DMXL2: variants seen among roughly 807,000 people sequenced by gnomAD.
DMXL2 encodes the protein Dmx like 2.
In DMXL2, 103 loss-of-function variants were observed where a neutral mutation model predicts 331.1. The observed-to-expected ratio is 0.31, with a 90% CI of 0.27 to 0.37. The LOEUF (loss-of-function observed/expected upper bound fraction) is 0.37. DMXL2 is among the 10% of genes least tolerant of loss of function. The probability of loss-of-function intolerance (pLI) is 1.00; values close to 1 mark genes in which losing one functional copy is unlikely to be tolerated. For missense variants in DMXL2, 3,171 were observed against 3,642.9 expected, an observed-to-expected ratio of 0.87 and a Z score of 3.33; for synonymous variants, 1,281 against 1,252.1, an observed-to-expected ratio of 1.02 and a Z score of -0.49.
intron 2 of DMXL2, among the ~76,000 whole-genome samples, chr15:51,571,653 G>A (rs1309696585): frequency 5.3e-5 from 8 of 152,186 alleles, no homozygotes; most frequent in Middle Eastern, 3.4e-3. Context: ...TCACAACTAC[G>A]TGCAAACTGA....
chr15:51,554,228 C>T (rs1422782430), intron 6 of DMXL2, among the ~76,000 whole-genome samples: 1 of 152,052 alleles, frequency 6.6e-6, no homozygotes, highest in Non-Finnish European at 1.5e-5. Flanking sequence ...CATAGGTTCA[C>T]CTATTATGGA....
At chr15:51,621,559 CT>C in intron 1 of DMXL2, among the ~76,000 whole-genome samples, 1 of 152,318 alleles carries the variant, frequency 6.6e-6, no homozygotes, top group Middle Eastern at 3.4e-3. Flanking sequence ...GGGAGTCTAT[CT>C]ATGAGTAAAC....
At chr15:51,594,374 G>C (rs1004804431) in intron 1 of DMXL2, among the ~76,000 whole-genome samples, 6 of 152,160 alleles carry the variant, frequency 3.9e-5, no homozygotes, top group Non-Finnish European at 5.9e-5. Flanking sequence ...GGAAGAAGTT[G>C]AATCTCTGAA....
At chr15:51,505,493 T>C (rs1163651090) in intron 16 of DMXL2, among the ~76,000 whole-genome samples, 2 of 152,250 alleles carry the variant, frequency 1.3e-5, no homozygotes, top group African/African-American at 2.4e-5. Flanking sequence ...CTCTAGAAAT[T>C]ACTACATTCT....
intron 6 of DMXL2, among the ~76,000 whole-genome samples, chr15:51,557,314 A>T (rs756040366): frequency 1.4e-4 from 22 of 152,322 alleles, no homozygotes; most frequent in Non-Finnish European, 2.6e-4. Context: ...ATATCTAGGA[A>T]TTAATCCCAA....
intron 2 of DMXL2, 22 bp from the exon 3 acceptor site, chr15:51,568,580 A>G: frequency 1.4e-6 from 2 of 1,460,302 alleles, no homozygotes. Flanking sequence ...TAAATACAGC[A>G]TTAATATCTA....
Position 51,611,169 on chromosome 15 carries a change from T to C in DMXL2, c.87+11290A>G, listed in dbSNP as rs117127067. On this transcript the variant is annotated intron_variant, in intron 1 of 43. Transcript: ENST00000560891. ...AAAATAAGTATATAACAGAGAGAAG[T>C]GGTAAAGCTAAAGTGGGTTCTTTAA... Among the ~76,000 whole-genome samples, 1,167 of 151,410 alleles carry C rather than the reference T, an allele frequency of 7.7e-3. 13 individuals carry two copies. Among genetic ancestry groups the C allele is most frequent in the Middle Eastern group, 0.021 (6 of 292 alleles).
intron 6 of DMXL2, among the ~76,000 whole-genome samples, chr15:51,561,448 G>A (rs1482935354): frequency 1.3e-5 from 2 of 152,118 alleles, no homozygotes; most frequent in African/African-American, 4.8e-5. Context: ...CTGCAGACAG[G>A]GACACCAGAC....
intron 13 of DMXL2, among the ~76,000 whole-genome samples, chr15:51,522,030 T>A (rs951152158): frequency 7.9e-5 from 12 of 152,232 alleles, no homozygotes; most frequent in Non-Finnish European, 1.3e-4. Context: ...AATACCTTAG[T>A]AAGTACTCAC....
chr15:51,508,477 A>C (rs989907361), intron 15 of DMXL2, among the ~76,000 whole-genome samples: 1 of 152,230 alleles, frequency 6.6e-6, no homozygotes, highest in African/African-American at 2.4e-5. Flanking sequence ...CCTACTTCAA[A>C]TGCTACTTAC....
intron 2 of DMXL2, among the ~76,000 whole-genome samples, chr15:51,570,965 G>A (rs1336086969): frequency 1.3e-5 from 2 of 152,052 alleles, no homozygotes; most frequent in Non-Finnish European, 2.9e-5. Flanking sequence ...CAGGCTAAAT[G>A]CCCCAATTAA....
chr15:51,554,203 C>T (rs924318111), intron 6 of DMXL2, among the ~76,000 whole-genome samples: 3 of 152,124 alleles, frequency 2.0e-5, no homozygotes, highest in African/African-American at 7.2e-5. Flanking sequence ...TGAACTGGTC[C>T]TATATTAAAT....
intron 16 of DMXL2, among the ~76,000 whole-genome samples, chr15:51,503,398 G>C (rs757378230): frequency 6.6e-6 from 1 of 152,172 alleles, no homozygotes; most frequent in Non-Finnish European, 1.5e-5. Context: ...CTATAAACAA[G>C]AATGAAATCC....
In DMXL2 at chr15:51,605,595, C is replaced by T. The variant is rs2053533983; in HGVS notation, c.87+16864G>A. On this transcript the variant is annotated intron_variant, in intron 1 of 43. Transcript: ENST00000560891. ...TCTGTCGCCCAGGCCGGACTGCGGA[C>T]TGCAGTGGCGCAATCTCGGCTCACT... Among the ~76,000 whole-genome samples the T allele has an allele frequency of 8.5e-5, 3 of 35,410 alleles. 1 individual carries two copies. The Admixed American group carries it at 1.2e-3, about 15-fold the overall frequency. 23.2% of individuals were successfully genotyped at this position (35,410 alleles called of 152,430 possible). A position where few individuals can be genotyped will look rare whatever the true frequency, so the allele number is the denominator to read the frequency against.
At chr15:51,614,693 A>C (rs1360500536) in intron 1 of DMXL2, among the ~76,000 whole-genome samples, 1 of 152,194 alleles carries the variant, frequency 6.6e-6, no homozygotes, top group African/African-American at 2.4e-5. Context: ...TCCATTTACT[A>C]ATTTATTGAG....
chr15:51,543,320 A>C (rs2048709145), intron 8 of DMXL2, among the ~76,000 whole-genome samples: 1 of 152,194 alleles, frequency 6.6e-6, no homozygotes, highest in African/African-American at 2.4e-5. Flanking sequence ...ATAAAGTATA[A>C]AATGTTATCA....
intron 42 of DMXL2, 78 bp downstream of exon 42, chr15:51,451,563 CTAAT>C: frequency 4.6e-6 from 5 of 1,085,258 alleles, no homozygotes; most frequent in Non-Finnish European, 6.8e-6. Context: ...ACTGGATTCA[CTAAT>C]TAAAACCAAG....
intron 1 of DMXL2, among the ~76,000 whole-genome samples, chr15:51,608,902 A>T (rs1157723397): frequency 2.0e-5 from 3 of 152,222 alleles, no homozygotes; most frequent in Non-Finnish European, 4.4e-5. Context: ...GAAGAAACGA[A>T]GAGCAAAGTA....
At chr15:51,504,367 A>G (rs1264721190) in intron 16 of DMXL2, among the ~76,000 whole-genome samples, 1 of 152,214 alleles carries the variant, frequency 6.6e-6, no homozygotes, top group Non-Finnish European at 1.5e-5. Flanking sequence ...ACAAAAACCA[A>G]AAGTTCTAAG....
Sources: allele counts gnomAD v4.1 joint callset (sites outside exome capture counted in the v4.1 genomes callset), GRCh38; gene constraint gnomAD v4.1.1; transcripts MANE v1.5; gene names NCBI Gene and HGNC (gene_info 2026-07-23, HGNC 2026-07-21).